Variants in ELOVL4 observed in about 807,000 individuals in gnomAD.
The protein encoded by ELOVL4 is very long chain fatty acid elongase 4.
ELOVL4 carries 18 observed loss-of-function variants against 42.1 expected under a neutral mutation model. The ratio of observed to expected loss-of-function variants is 0.43; its 90% CI spans 0.30 to 0.63. The LOEUF is 0.63. Ranked by LOEUF, ELOVL4 falls within the 30% of genes least tolerant of loss-of-function variation. The probability of loss-of-function intolerance (pLI) is 0.15; values close to 1 mark genes in which losing one functional copy is unlikely to be tolerated. For synonymous variants in ELOVL4, 117 were observed against 127.0 expected (o/e 0.92, Z 0.53); for missense variants, 299 against 376.2 (o/e 0.79, Z 1.70).
At chr6:79,925,159 C>T (rs1774322984) in intron 2 of ELOVL4, 127 bp from the exon 3 acceptor site, 2 of 668,830 alleles carry the variant, frequency 3.0e-6, no homozygotes, top group Non-Finnish European at 2.6e-6. Flanking sequence ...ATTTCAAATG[C>T]ATTAAAAATT....
chr6:79,928,526 C>T (rs1582049266), intron 1 of ELOVL4, among the ~76,000 whole-genome samples: 1 of 151,908 alleles, frequency 6.6e-6, no homozygotes, highest in Admixed American at 6.6e-5. Flanking sequence ...TATGCTGTAT[C>T]GTTTTCATTC....
intron 3 of ELOVL4, 63 bp downstream of exon 3, chr6:79,924,889 C>G (rs766164866): frequency 1.0e-6 from 1 of 984,988 alleles, no homozygotes; most frequent in Non-Finnish European, 1.6e-6. Flanking sequence ...TATATTTTCA[C>G]AGACTGGGGC....
chr6:79,928,737 T>G (rs1340897673), intron 1 of ELOVL4, among the ~76,000 whole-genome samples: 1 of 140,036 alleles, frequency 7.1e-6, no homozygotes, highest in Non-Finnish European at 1.5e-5. Flanking sequence ...GTTTTTTTTT[T>G]TTTTTTTTTT....
In ELOVL4 at chr6:79,925,033, C is replaced by A. The variant is rs772799975; in HGVS notation, c.289-1G>T. 1 of 1,584,728 alleles carries A rather than the reference C, an allele frequency of 6.3e-7. No homozygotes were observed. Among genetic ancestry groups the A allele is most frequent in the South Asian group, 1.1e-5 (1 of 90,326 alleles). Reference sequence around the variant, plus strand: ...CCGCATTATATGATCCCATGAATAACTGGAAAAAGAGTAATAATATTTGTA... The same window carrying A: ...CCGCATTATATGATCCCATGAATAAATGGAAAAAGAGTAATAATATTTGTA... On this transcript the variant is annotated splice_acceptor_variant, in intron 2 of 5. Transcript: ENST00000369816. LOFTEE classifies it high-confidence loss of function.
chr6:79,945,576 GC>G (rs1257851934), intron 1 of ELOVL4, among the ~76,000 whole-genome samples: 1 of 152,100 alleles, frequency 6.6e-6, no homozygotes, highest in Non-Finnish European at 1.5e-5. Flanking sequence ...TGTGGCTCTG[GC>G]TATATGGAGA....
chr6:79,921,891 T>C, intron 3 of ELOVL4, 95 bp from the exon 4 acceptor site: 1 of 1,202,286 alleles, frequency 8.3e-7, no homozygotes, highest in Non-Finnish European at 1.2e-6. Context: ...CATTTGTATA[T>C]TGCACAAAAT....
At chr6:79,935,054 AG>A (rs1189107037) in intron 1 of ELOVL4, among the ~76,000 whole-genome samples, 12 of 152,316 alleles carry the variant, frequency 7.9e-5, no homozygotes, top group African/African-American at 2.9e-4. Flanking sequence ...AATTATTTAG[AG>A]AGGCTATTTT....
rs1774773068 is a variant in ELOVL4 at position 79,947,510 on chromosome 6, TGGAGGAG to T, written c.-238_-232del. The T allele has an allele frequency of 7.2e-6, 4 of 556,262 alleles. No individual in the cohort carries two copies. In the South Asian group the frequency reaches 7.9e-5, roughly 11 times the overall value. 34.5% of individuals were successfully genotyped at this position (556,262 alleles called of 1,614,324 possible). ...GGTTCCCGGGAGAAAGACGAGGAGGTGGAGGAGGCCCAGCCGCCAGCACAGTGCGCTG... is the reference window on the plus strand; with the variant it reads ...GGTTCCCGGGAGAAAGACGAGGAGGTGCCCAGCCGCCAGCACAGTGCGCTG... On this transcript the variant is annotated 5_prime_UTR_variant, in exon 1 of 6. Coordinates refer to ENST00000369816, the MANE Select transcript of ELOVL4 (RefSeq NM_022726.4).
intron 1 of ELOVL4, among the ~76,000 whole-genome samples, chr6:79,941,556 T>A (rs1052590470): frequency 5.9e-5 from 9 of 152,270 alleles, no homozygotes; most frequent in African/African-American, 1.9e-4. Flanking sequence ...TCATAAAAAA[T>A]ATCATTCTTT....
Position 79,942,356 on chromosome 6 carries a change from T to C in ELOVL4, c.100+4824A>G, listed in dbSNP as rs370128748. 3.3e-5 allele frequency among the ~76,000 whole-genome samples: 5 copies of C among 152,336 alleles called. No individual in the cohort carries two copies. In the South Asian group the frequency reaches 1.0e-3, roughly 32 times the overall value. ...AATAAAACAATAGTACCTTCGTTTG[T>C]TAACAGGCAAAATGTCCTGATAATG... On this transcript the variant is annotated intron_variant, in intron 1 of 5. Coordinates refer to ENST00000369816, the MANE Select transcript of ELOVL4 (RefSeq NM_022726.4).
At chr6:79,926,079 T>G (rs1267619290) in intron 2 of ELOVL4, 115 bp downstream of exon 2, 33 of 923,656 alleles carry the variant, frequency 3.6e-5, no homozygotes, top group Non-Finnish European at 5.1e-5. Flanking sequence ...AAATGTACTT[T>G]TAGAGTAGCT....
At chr6:79,945,901 C>G (rs531179426) in intron 1 of ELOVL4, among the ~76,000 whole-genome samples, 1 of 152,184 alleles carries the variant, frequency 6.6e-6, no homozygotes, top group East Asian at 1.9e-4. Flanking sequence ...AAGTTGAGAT[C>G]TTCTGAAAAA....
chr6:79,944,407 C>T (rs573363185), intron 1 of ELOVL4, among the ~76,000 whole-genome samples: 41 of 152,202 alleles, frequency 2.7e-4, no homozygotes, highest in Non-Finnish European at 2.8e-4. Flanking sequence ...CATAAACCAA[C>T]GCTAATTTCC....
At chr6:79,939,859 T>C (rs1774617448) in intron 1 of ELOVL4, among the ~76,000 whole-genome samples, 1 of 152,182 alleles carries the variant, frequency 6.6e-6, no homozygotes, top group Non-Finnish European at 1.5e-5. Flanking sequence ...GCCACATACA[T>C]AATTATCTTT....
intron 4 of ELOVL4, among the ~76,000 whole-genome samples, chr6:79,920,035 A>G (rs987773368): frequency 6.6e-6 from 1 of 152,214 alleles, no homozygotes; most frequent in African/African-American, 2.4e-5. Context: ...GTCAAACTCA[A>G]TGACATTCTT....
chr6:79,943,169 A>G (rs1025591517), intron 1 of ELOVL4, among the ~76,000 whole-genome samples: 1 of 152,214 alleles, frequency 6.6e-6, no homozygotes, highest in Non-Finnish European at 1.5e-5. Context: ...TGTGACGAAT[A>G]ATAAAATTAA....
chr6:79,920,630 T>C (rs1387219580), intron 4 of ELOVL4, among the ~76,000 whole-genome samples: 1 of 152,212 alleles, frequency 6.6e-6, no homozygotes, highest in Non-Finnish European at 1.5e-5. Context: ...AAGGTAATTT[T>C]ATAAAATTTT....
In ELOVL4 at chr6:79,915,922, CCA is replaced by C. The variant is rs1184141125; in HGVS notation, c.*684_*685del. ...CTTTTCATCACAAAAAATTGTTTCCCCACAGTGATTTGTGCCTCAAGTCATGG... is the reference window on the plus strand; with the variant it reads ...CTTTTCATCACAAAAAATTGTTTCCCCAGTGATTTGTGCCTCAAGTCATGG... On this transcript the variant is annotated 3_prime_UTR_variant, in exon 6 of 6. Transcript: ENST00000369816. 2 of 152,598 alleles carry C rather than the reference CCA, an allele frequency of 1.3e-5. No individual in the cohort carries two copies. The highest frequency in any genetic ancestry group is 2.9e-5 in the Non-Finnish European group (2 of 68,050). The allele number at this position is 152,598 out of a possible 1,614,324, so 9.5% of individuals were successfully genotyped here. A position where few individuals can be genotyped will look rare whatever the true frequency, so the allele number is the denominator to read the frequency against.
intron 1 of ELOVL4, 44 bp downstream of exon 1, chr6:79,947,136 C>G (rs1184198875): frequency 1.3e-6 from 2 of 1,528,056 alleles, no homozygotes; most frequent in Non-Finnish European, 1.8e-6. Context: ...GCCGGTGACC[C>G]CCCGCGGGGG....
Sources: allele counts gnomAD v4.1 joint callset (sites outside exome capture counted in the v4.1 genomes callset), GRCh38; gene constraint gnomAD v4.1.1; transcripts MANE v1.5; gene names NCBI Gene and HGNC (gene_info 2026-07-23, HGNC 2026-07-21).